The following ESRRG variants were observed in gnomAD, a reference collection of about 807,000 sequenced individuals.
ESRRG encodes the protein estrogen-related receptor gamma.
In ESRRG, 13 loss-of-function variants were observed where a neutral mutation model predicts 44.0. The ratio of observed to expected loss-of-function variants is 0.30; its 90% CI spans 0.19 to 0.47. ESRRG has a LOEUF of 0.47. Among genes scored for constraint, ESRRG ranks in the 20% least tolerant of loss-of-function variants. The pLI, the probability that ESRRG is intolerant of heterozygous loss-of-function variation, is 1.00. For synonymous variants in ESRRG, 215 were observed against 214.6 expected, an observed-to-expected ratio of 1.00 and a Z score of -0.02; for missense variants, 395 against 580.6, an observed-to-expected ratio of 0.68 and a Z score of 3.29.
intron 1 of ESRRG, among the ~76,000 whole-genome samples, chr1:217,065,562 A>G (rs557395917): frequency 6.6e-6 from 1 of 152,352 alleles, no homozygotes; most frequent in South Asian, 2.1e-4. Flanking sequence ...AAGGAGGCTT[A>G]GAGAACAGTC....
chr1:216,536,583 C>CA (rs1202582755), intron 5 of ESRRG, among the ~76,000 whole-genome samples: 13 of 152,098 alleles, frequency 8.5e-5, no homozygotes, highest in African/African-American at 3.1e-4. Flanking sequence ...AATCAGGGGT[C>CA]ACCTCTTCCT....
intron 1 of ESRRG, among the ~76,000 whole-genome samples, chr1:216,953,237 G>A (rs866019409): frequency 1.3e-5 from 2 of 151,980 alleles, no homozygotes; most frequent in African/African-American, 2.4e-5. Context: ...TTATAATCAA[G>A]ACCATATGAC....
chr1:216,724,886 A>C (rs2087169356), upstream of ESRRG, among the ~76,000 whole-genome samples: 1 of 152,074 alleles, frequency 6.6e-6, no homozygotes, highest in Non-Finnish European at 1.5e-5. Flanking sequence ...AGAGTGAAAA[A>C]CCCACAATTT....
At chr1:216,926,483 G>T (rs1277572531) in intron 2 of ESRRG, among the ~76,000 whole-genome samples, 1 of 151,860 alleles carries the variant, frequency 6.6e-6, no homozygotes, top group Non-Finnish European at 1.5e-5. Flanking sequence ...AATCCATGGA[G>T]TCCAAAGACC....
Position 216,980,560 on chromosome 1 carries a change from G to A in ESRRG, c.-105-40887C>T, listed in dbSNP as rs144152367. Among the ~76,000 whole-genome samples, 40 of 152,120 alleles carry A rather than the reference G, an allele frequency of 2.6e-4. No homozygotes were observed. In the East Asian group the frequency reaches 7.2e-3, roughly 27 times the overall value. ...GTCCGTGGGACCTCTCCAACTCCAC[G>A]GGAACTGTACTGTTTACCCACATTA... On this transcript the variant is annotated intron_variant, in intron 1 of 7. Transcript: ENST00000359162.
At chr1:217,052,917 G>A (rs960514153) in intron 1 of ESRRG, among the ~76,000 whole-genome samples, 2 of 152,102 alleles carry the variant, frequency 1.3e-5, no homozygotes, top group African/African-American at 4.8e-5. Context: ...GAGCTTTGAT[G>A]AAAATAAATA....
intron 3 of ESRRG, among the ~76,000 whole-genome samples, chr1:216,602,588 A>G (rs1303732157): frequency 1.3e-5 from 2 of 152,202 alleles, no homozygotes; most frequent in Non-Finnish European, 2.9e-5. Flanking sequence ...CGGATTATCT[A>G]TTCTGAGTTA....
intron 1 of ESRRG, among the ~76,000 whole-genome samples, chr1:217,107,098 AT>A (rs2092606561): frequency 6.6e-6 from 1 of 152,354 alleles, no homozygotes; most frequent in African/African-American, 2.4e-5. Flanking sequence ...ACTAAAACTG[AT>A]TAATCTGAAT....
intron 5 of ESRRG, among the ~76,000 whole-genome samples, chr1:216,532,814 G>A (rs1164450905): frequency 1.3e-5 from 2 of 152,142 alleles, no homozygotes; most frequent in African/African-American, 2.4e-5. Flanking sequence ...AACATTATAT[G>A]ATGATTGTCA....
chr1:216,905,501 C>T (rs1283192519), intron 2 of ESRRG, among the ~76,000 whole-genome samples: 1 of 152,036 alleles, frequency 6.6e-6, no homozygotes, highest in African/African-American at 2.4e-5. Context: ...CTCTCATATC[C>T]TCAGTTTATT....
chr1:216,783,707 AC>A (rs2147935612), intron 2 of ESRRG, among the ~76,000 whole-genome samples: 1 of 151,964 alleles, frequency 6.6e-6, no homozygotes, highest in South Asian at 2.1e-4. Flanking sequence ...CCTTTCTTGG[AC>A]CGTGACAGTA....
At chr1:217,022,577 C>T (rs2080501363) in intron 1 of ESRRG, among the ~76,000 whole-genome samples, 1 of 152,096 alleles carries the variant, frequency 6.6e-6, no homozygotes. Flanking sequence ...CAATGGTCCT[C>T]ACAGCTGGAA....
chr1:217,101,187 G>A (rs868358353), intron 1 of ESRRG, among the ~76,000 whole-genome samples: 77 of 152,270 alleles, frequency 5.1e-4, no homozygotes, highest in African/African-American at 1.8e-3. Flanking sequence ...AAAGAATAAG[G>A]AGCACATGCT....
intron 1 of ESRRG, among the ~76,000 whole-genome samples, chr1:217,040,430 T>C (rs1339209): frequency 0.016 from 2,381 of 152,246 alleles, 29 homozygotes; most frequent in Admixed American, 0.025. Flanking sequence ...TTTTTCTACA[T>C]CACCTGCCCT....
At chr1:216,801,403 A>G (rs2094612668) in intron 2 of ESRRG, among the ~76,000 whole-genome samples, 2 of 152,106 alleles carry the variant, frequency 1.3e-5, no homozygotes, top group African/African-American at 2.4e-5. Context: ...ACCTACTACT[A>G]CCTACCCCAT....
chr1:216,713,488 C>T (rs2084100077), intron 1 of ESRRG, among the ~76,000 whole-genome samples: 1 of 151,998 alleles, frequency 6.6e-6, no homozygotes, highest in African/African-American at 2.4e-5. Flanking sequence ...GTTTCAAATA[C>T]CTGTAACCCA....
chr1:216,621,191 G>A (rs1400367100), intron 3 of ESRRG, among the ~76,000 whole-genome samples: 1 of 152,130 alleles, frequency 6.6e-6, no homozygotes, highest in African/African-American at 2.4e-5. Flanking sequence ...TACTAACCTT[G>A]ACCTACCCTA....
At chr1:216,977,936 C>T (rs1223395425) in intron 1 of ESRRG, among the ~76,000 whole-genome samples, 2 of 152,128 alleles carry the variant, frequency 1.3e-5, no homozygotes, top group African/African-American at 4.8e-5. Context: ...CTTGCACGTG[C>T]TCTCTTGTCC....
chr1:216,592,717 C>T (rs938692907), intron 3 of ESRRG, among the ~76,000 whole-genome samples: 2 of 152,118 alleles, frequency 1.3e-5, no homozygotes, highest in South Asian at 4.1e-4. Flanking sequence ...CCTGGCTGTT[C>T]TCAAACTCCT....
Sources: allele counts gnomAD v4.1 joint callset (sites outside exome capture counted in the v4.1 genomes callset), GRCh38; gene constraint gnomAD v4.1.1; transcripts MANE v1.5; gene names NCBI Gene and HGNC (gene_info 2026-07-23, HGNC 2026-07-21).